Variants in APP observed in about 807,000 individuals in gnomAD.
APP encodes amyloid-beta precursor protein.
A neutral mutation model predicts 101.4 loss-of-function variants in APP; 31 were observed. The ratio of observed to expected loss-of-function variants is 0.31; its 90% CI spans 0.23 to 0.41. APP has a LOEUF of 0.41. Ranked by LOEUF, APP falls within the 10% of genes least tolerant of loss-of-function variation. APP has a pLI of 1.00. For missense variants in APP, 839 were observed against 1,003.7 expected (o/e 0.84, Z 2.22); for synonymous variants, 366 against 364.4 (o/e 1.00, Z -0.05).
At chr21:26,091,268 A>T (rs2061818480) in intron 2 of APP, among the ~76,000 whole-genome samples, 1 of 152,212 alleles carries the variant, frequency 6.6e-6, no homozygotes. Context: ...GGTGGTAGGG[A>T]CCAGTGGAAT....
intron 13 of APP, among the ~76,000 whole-genome samples, chr21:25,914,848 C>T (rs1270637127): frequency 6.6e-6 from 1 of 152,092 alleles, no homozygotes; most frequent in East Asian, 1.9e-4. Context: ...CCACTGCACC[C>T]GGCTTGATCC....
intron 5 of APP, among the ~76,000 whole-genome samples, chr21:26,024,024 AC>A (rs1444240193): frequency 6.6e-6 from 1 of 152,250 alleles, no homozygotes; most frequent in Non-Finnish European, 1.5e-5. Flanking sequence ...CATGTCTAGA[AC>A]AAAATTAAAA....
chr21:26,114,871 C>G (rs868044247), intron 1 of APP, among the ~76,000 whole-genome samples: 16 of 151,844 alleles, frequency 1.1e-4, no homozygotes, highest in Non-Finnish European at 2.9e-5. Context: ...TTTATTATGA[C>G]CCTATAATTG....
chr21:25,906,734 T>A (rs986769283), intron 14 of APP, among the ~76,000 whole-genome samples: 8 of 152,206 alleles, frequency 5.3e-5, no homozygotes, highest in African/African-American at 1.9e-4. Flanking sequence ...TGCAGTTAGT[T>A]GAAAGGTCAT....
At chr21:25,886,244 A>T (rs1220818009) in intron 17 of APP, among the ~76,000 whole-genome samples, 1 of 152,094 alleles carries the variant, frequency 6.6e-6, no homozygotes, top group African/African-American at 2.4e-5. Flanking sequence ...CCTCCCAGTA[A>T]CTGCCTGCTA....
chr21:26,013,363 T>C (rs1380195679), intron 6 of APP, among the ~76,000 whole-genome samples: 1 of 152,030 alleles, frequency 6.6e-6, no homozygotes, highest in South Asian at 2.1e-4. Flanking sequence ...AATGTATGCA[T>C]GTTTAAATGA....
chr21:26,119,310 C>G (rs1452191250), intron 1 of APP, among the ~76,000 whole-genome samples: 1 of 152,118 alleles, frequency 6.6e-6, no homozygotes, highest in East Asian at 1.9e-4. Flanking sequence ...AAAAAAATTA[C>G]TTTTAGAGCA....
chr21:25,944,844 G>A (rs2040736647), intron 13 of APP, among the ~76,000 whole-genome samples: 1 of 152,174 alleles, frequency 6.6e-6, no homozygotes, highest in Admixed American at 6.5e-5. Context: ...CTGCTCTAGT[G>A]TTCCATGCCA....
At chr21:25,985,013 G>A (rs2042585233) in intron 8 of APP, among the ~76,000 whole-genome samples, 3 of 152,092 alleles carry the variant, frequency 2.0e-5, no homozygotes, top group Non-Finnish European at 4.4e-5. Flanking sequence ...TGCGAACACT[G>A]TCTACTGTAT....
At chr21:26,043,150 C>A (rs929362768) in intron 5 of APP, among the ~76,000 whole-genome samples, 10 of 152,132 alleles carry the variant, frequency 6.6e-5, no homozygotes, top group African/African-American at 1.2e-4. Context: ...AACATGGGAC[C>A]CATCATGCTA....
At chr21:26,110,367 A>G (rs2062285841) in intron 2 of APP, among the ~76,000 whole-genome samples, 1 of 152,078 alleles carries the variant, frequency 6.6e-6, no homozygotes, top group Non-Finnish European at 1.5e-5. Context: ...AATCATTTAT[A>G]CCCGGGAGGT....
At chr21:25,966,788 T>C (rs368306120) in intron 11 of APP, among the ~76,000 whole-genome samples, 5 of 152,350 alleles carry the variant, frequency 3.3e-5, no homozygotes, top group African/African-American at 9.6e-5. Context: ...ATTTCTTTTT[T>C]GCTTTAGAAA....
At chr21:26,062,230 A>ACAC (rs57087990) in intron 3 of APP, among the ~76,000 whole-genome samples, 31,700 of 144,796 alleles carry the variant, frequency 0.22, 4,303 homozygotes, top group Middle Eastern at 0.33. Context: ...CAAACAAACA[A>ACAC]ACACACACAC....
chr21:25,967,684 T>C (rs558548021), intron 11 of APP, among the ~76,000 whole-genome samples: 100 of 152,316 alleles, frequency 6.6e-4, no homozygotes, highest in Non-Finnish European at 7.1e-4. Context: ...CATCATCTTC[T>C]GTCTATGAAG....
intron 1 of APP, among the ~76,000 whole-genome samples, chr21:26,145,949 T>C (rs2063146359): frequency 6.6e-6 from 1 of 152,208 alleles, no homozygotes; most frequent in Admixed American, 6.5e-5. Flanking sequence ...ATACAAATAA[T>C]GCTCTCATAA....
chr21:25,995,531 A>AT (rs1158963412), intron 8 of APP, among the ~76,000 whole-genome samples: 1 of 151,974 alleles, frequency 6.6e-6, no homozygotes, highest in African/African-American at 2.4e-5. Flanking sequence ...TTGAAGCCTC[A>AT]TTTTTTCTCG....
chr21:26,118,628 C>A (rs1255655359), intron 1 of APP, among the ~76,000 whole-genome samples: 1 of 152,166 alleles, frequency 6.6e-6, no homozygotes, highest in African/African-American at 2.4e-5. Context: ...TCTCGGCTCA[C>A]CGCAACCTCT....
chr21:25,955,592 C>A, intron 12 of APP, 35 bp downstream of exon 12: 2 of 1,613,686 alleles, frequency 1.2e-6, no homozygotes, highest in South Asian at 2.2e-5. Context: ...CCTGGATTGT[C>A]AAAGCTGCAG....
Position 25,989,328 on chromosome 21 carries a change from A to G in APP, c.1091-6851T>C, listed in dbSNP as rs549172280. Among the ~76,000 whole-genome samples, 8 of 152,280 alleles carry G rather than the reference A, an allele frequency of 5.3e-5. No individual in the cohort carries two copies. The South Asian group carries it at 1.5e-3, about 28-fold the overall frequency. ...TTTTGTAATCATTGCGGAGCACTCCATTTCATATTCATACTAATGTGGTAC... is the reference window on the plus strand; with the variant it reads ...TTTTGTAATCATTGCGGAGCACTCCGTTTCATATTCATACTAATGTGGTAC... On this transcript the variant is annotated intron_variant, in intron 8 of 17. Coordinates refer to ENST00000346798, the MANE Select transcript of APP (RefSeq NM_000484.4).
Sources: allele counts gnomAD v4.1 joint callset (sites outside exome capture counted in the v4.1 genomes callset), GRCh38; gene constraint gnomAD v4.1.1; transcripts MANE v1.5; gene names NCBI Gene and HGNC (gene_info 2026-07-23, HGNC 2026-07-21).